The following RBFOX1 variants were observed in gnomAD, a reference collection of about 807,000 sequenced individuals.
RBFOX1 encodes the protein RNA binding protein fox-1 homolog 1.
A neutral mutation model predicts 57.7 loss-of-function variants in RBFOX1; 8 were observed. The ratio of observed to expected loss-of-function variants is 0.14; its 90% confidence interval spans 0.08 to 0.25. RBFOX1 has a LOEUF of 0.25. RBFOX1 is among the 10% of genes least tolerant of loss of function. The pLI is 1.00. For synonymous variants in RBFOX1, 326 were observed against 222.4 expected, an observed-to-expected ratio of 1.47 and a Z score of -4.15; for missense variants, 611 against 548.5, an observed-to-expected ratio of 1.11 and a Z score of -1.14.
chr16:6,858,120 T>C (rs1292026129), intron 3 of RBFOX1, among the ~76,000 whole-genome samples: 1 of 152,202 alleles, frequency 6.6e-6, no homozygotes, highest in African/African-American at 2.4e-5. Flanking sequence ...TAAATACAGT[T>C]ATTAAAATAC....
At chr16:7,677,678 A>G (rs2073747298) in intron 14 of RBFOX1, among the ~76,000 whole-genome samples, 1 of 152,226 alleles carries the variant, frequency 6.6e-6, no homozygotes, top group African/African-American at 2.4e-5. Flanking sequence ...GAGGACATAA[A>G]TGTGAATGTT....
intron 5 of RBFOX1, among the ~76,000 whole-genome samples, chr16:7,574,302 A>T (rs1182122223): frequency 6.6e-6 from 1 of 152,216 alleles, no homozygotes; most frequent in Non-Finnish European, 1.5e-5. Context: ...CACCTGTATC[A>T]GGGTTCTCTA....
At chr16:6,487,172 G>GTGTGTT (rs1413164174) in intron 2 of RBFOX1, among the ~76,000 whole-genome samples, 2 of 135,706 alleles carry the variant, frequency 1.5e-5, no homozygotes, top group Non-Finnish European at 3.4e-5. Flanking sequence ...GTGTGTGTGT[G>GTGTGTT]TGTGTGTGTA....
At chr16:5,883,259 A>G (rs530521479) in intron 4 of RBFOX1, among the ~76,000 whole-genome samples, 1 of 152,338 alleles carries the variant, frequency 6.6e-6, no homozygotes, top group African/African-American at 2.4e-5. Flanking sequence ...TTTAAAACAC[A>G]TTTATATTTC....
At chr16:6,193,165 C>G (rs1016531881) in intron 1 of RBFOX1, among the ~76,000 whole-genome samples, 5 of 151,282 alleles carry the variant, frequency 3.3e-5, no homozygotes, top group African/African-American at 1.2e-4. Context: ...CATCCTATGT[C>G]CTTATCTGTT....
chr16:6,725,416 G>A (rs1373391096), intron 3 of RBFOX1, among the ~76,000 whole-genome samples: 2 of 151,976 alleles, frequency 1.3e-5, no homozygotes, highest in Non-Finnish European at 2.9e-5. Context: ...ACCTGGTGCC[G>A]ACCATCTGTC....
intron 4 of RBFOX1, among the ~76,000 whole-genome samples, chr16:7,235,269 CAGAA>C (rs897495708): frequency 1.7e-4 from 26 of 152,260 alleles, no homozygotes; most frequent in African/African-American, 6.3e-4. Flanking sequence ...ATGGGTTACA[CAGAA>C]AGAAAGCCAC....
chr16:7,305,767 G>C (rs914699376), intron 4 of RBFOX1, among the ~76,000 whole-genome samples: 4 of 152,116 alleles, frequency 2.6e-5, no homozygotes, highest in Non-Finnish European at 5.9e-5. Context: ...TTTGAGAACA[G>C]TCTTAAAAAA....
At chr16:7,553,060 G>A (rs143231381) in intron 5 of RBFOX1, among the ~76,000 whole-genome samples, 21 of 152,098 alleles carry the variant, frequency 1.4e-4, no homozygotes, top group Admixed American at 3.9e-4. Flanking sequence ...CAAGGTATGT[G>A]CTCCTTCCTT....
intron 3 of RBFOX1, among the ~76,000 whole-genome samples, chr16:5,646,004 T>A (rs551596987): frequency 5.9e-5 from 9 of 151,960 alleles, no homozygotes; most frequent in Non-Finnish European, 1.3e-4. Flanking sequence ...CCTGGCTAAT[T>A]TGTTTGTCCT....
At chr16:7,691,983 C>T (rs992756084) in intron 14 of RBFOX1, among the ~76,000 whole-genome samples, 24 of 152,084 alleles carry the variant, frequency 1.6e-4, no homozygotes, top group East Asian at 7.7e-4. Flanking sequence ...TAGGAATTCC[C>T]GTGTTATTGC....
intron 3 of RBFOX1, among the ~76,000 whole-genome samples, chr16:6,826,991 A>G (rs2092233096): frequency 6.6e-6 from 1 of 152,204 alleles, no homozygotes. Flanking sequence ...GCACTGCAAT[A>G]GATAGGCCAT....
intron 1 of RBFOX1, among the ~76,000 whole-genome samples, chr16:6,213,459 C>T (rs1473227487): frequency 6.6e-6 from 1 of 152,168 alleles, no homozygotes; most frequent in Admixed American, 6.5e-5. Context: ...ACAGCTGCCT[C>T]AGCTGCATTT....
intron 2 of RBFOX1, among the ~76,000 whole-genome samples, chr16:5,584,953 G>A (rs1172774112): frequency 6.6e-6 from 1 of 151,692 alleles, no homozygotes; most frequent in East Asian, 1.9e-4. Flanking sequence ...CACAAAGGGA[G>A]GGATAGAAGT....
chr16:6,448,757 C>T lies in RBFOX1; in HGVS notation c.-64+131700C>T, dbSNP rs78927324. ...AAAGTATATGTGCTTCAGTTGTATT[C>T]ATCCTGCAGTATTTTTTTGTGCCTT... On this transcript the variant is annotated intron_variant, in intron 2 of 15. Transcript: ENST00000550418. Among the ~76,000 whole-genome samples, 805 of 152,248 alleles carry T rather than the reference C, an allele frequency of 5.3e-3. 25 individuals carry two copies. In the East Asian group the frequency reaches 0.11, roughly 21 times the overall value.
chr16:7,554,300 A>G (rs1431016573), intron 5 of RBFOX1, among the ~76,000 whole-genome samples: 3 of 152,196 alleles, frequency 2.0e-5, no homozygotes, highest in Non-Finnish European at 4.4e-5. Context: ...TCTTCCAAGG[A>G]CTGTGCTAAA....
intron 4 of RBFOX1, among the ~76,000 whole-genome samples, chr16:5,903,090 G>A (rs2058347647): frequency 6.6e-6 from 1 of 151,794 alleles, no homozygotes; most frequent in African/African-American, 2.4e-5. Flanking sequence ...TATTAGATGG[G>A]TGTGTGTGGG....
intron 4 of RBFOX1, chr16:7,510,252 G>C (rs2074662660): frequency 1.0e-6 from 1 of 985,922 alleles, no homozygotes; most frequent in Non-Finnish European, 1.2e-6. Context: ...ATGCTTTGTG[G>C]TGTGGGACAA....
At chr16:6,206,287 C>G (rs550780164) in intron 1 of RBFOX1, among the ~76,000 whole-genome samples, 1 of 152,064 alleles carries the variant, frequency 6.6e-6, no homozygotes, top group Non-Finnish European at 1.5e-5. Context: ...TTACCTGGGC[C>G]GCTCTTTCCT....
Sources: gnomAD v4.1 joint callset for allele counts (sites outside exome capture counted in the v4.1 genomes callset) on GRCh38, gnomAD v4.1.1 for gene constraint, MANE v1.5 for transcripts, NCBI Gene and HGNC (gene_info 2026-07-23, HGNC 2026-07-21) for gene names.